Variants in ZFYVE9 observed in about 807,000 individuals in gnomAD.
ZFYVE9 encodes zinc finger FYVE domain-containing protein 9.
In ZFYVE9, 43 loss-of-function variants were observed where a neutral mutation model predicts 126.7. The observed-to-expected ratio is 0.34, with a 90% CI of 0.27 to 0.44. The LOEUF (loss-of-function observed/expected upper bound fraction) is 0.44. Ranked by LOEUF, ZFYVE9 falls within the 20% of genes least tolerant of loss-of-function variation. The pLI, the probability that ZFYVE9 is intolerant of heterozygous loss-of-function variation, is 1.00. For synonymous variants in ZFYVE9, 521 were observed against 597.4 expected (o/e 0.87, Z 1.87); for missense variants, 1,476 against 1,697.0 (o/e 0.87, Z 2.29).
intron 7 of ZFYVE9, among the ~76,000 whole-genome samples, chr1:52,270,779 C>A: frequency 6.7e-6 from 1 of 150,056 alleles, no homozygotes; most frequent in Non-Finnish European, 1.5e-5. Flanking sequence ...ATGATACTCT[C>A]AATTTGTATT....
chr1:52,319,148 T>G (rs565263197), intron 13 of ZFYVE9, among the ~76,000 whole-genome samples: 1 of 152,284 alleles, frequency 6.6e-6, no homozygotes, highest in South Asian at 2.1e-4. Flanking sequence ...ATAAATTTCT[T>G]AAATGATCTG....
chr1:52,225,759 T>A (rs1451627000), intron 2 of ZFYVE9, among the ~76,000 whole-genome samples: 1 of 152,058 alleles, frequency 6.6e-6, no homozygotes. Context: ...CTGGGACAGG[T>A]CTCAGTTTAT....
At chr1:52,229,551 G>A (rs1645198889) in intron 2 of ZFYVE9, among the ~76,000 whole-genome samples, 1 of 152,174 alleles carries the variant, frequency 6.6e-6, no homozygotes, top group Admixed American at 6.5e-5. Context: ...TATCGTAACT[G>A]GAATTCAGTA....
chr1:52,286,345 C>T (rs1169212089), intron 10 of ZFYVE9, among the ~76,000 whole-genome samples: 2 of 152,190 alleles, frequency 1.3e-5, no homozygotes, highest in Non-Finnish European at 2.9e-5. Context: ...TTTTTTATAA[C>T]TTCCTGTGAA....
In ZFYVE9 at chr1:52,204,577, AT is replaced by A. The variant is rs542635613; in HGVS notation, c.-142-11790del. Among the ~76,000 whole-genome samples the A allele has an allele frequency of 5.7e-4, 86 of 152,120 alleles. 1 individual carries two copies. In the South Asian group the frequency reaches 0.016, roughly 29 times the overall value. The stretch of plus-strand genomic sequence containing the variant: ...CCCCGTCTCTGCTAAAAATACAAAA[AT>A]TAGCTGGGCATGGTTGCGTGTGCCT... On this transcript the variant is annotated intron_variant, in intron 1 of 18. Transcript: ENST00000287727.
rs757631208 is a variant in ZFYVE9, at chr1:52,268,517, A to G, written c.2510A>G (p.Asn837Ser). 4.2e-5 allele frequency: 68 copies of G among 1,614,064 alleles called. No homozygotes were observed. Among genetic ancestry groups the G allele is most frequent in the Admixed American group, 4.0e-4 (24 of 60,000 alleles). The change falls in exon 7 of 19, where the codon AAT becomes AGT. Residue 837 changes from asparagine to serine, a missense_variant. By Grantham distance (46) the Asn-to-Ser change is conservative. This residue lies in a region of ZFYVE9 where 669 missense variants were observed against 902.4 expected (regional missense o/e 0.74). Coordinates refer to ENST00000287727, the MANE Select transcript of ZFYVE9 (RefSeq NM_004799.4). ...TGGTTTGCTGATGGGATCTTGCCCAATGGAGAAGTTGCTGATGCAGCCAAA... is the reference window on the plus strand; with the variant it reads ...TGGTTTGCTGATGGGATCTTGCCCAGTGGAGAAGTTGCTGATGCAGCCAAA... Reference protein sequence around the residue: ...RVWFADGILPNGEVADAAKLT... With the variant: ...RVWFADGILPSGEVADAAKLT...
chr1:52,334,611 T>A, intron 14 of ZFYVE9, 77 bp from the exon 15 acceptor site: 1 of 1,468,912 alleles, frequency 6.8e-7, no homozygotes, highest in Non-Finnish European at 9.4e-7. Flanking sequence ...ATTCTCAACT[T>A]CTGAATATTT....
chr1:52,307,901 G>A (rs977262947), intron 13 of ZFYVE9, among the ~76,000 whole-genome samples: 1 of 151,660 alleles, frequency 6.6e-6, no homozygotes, highest in Non-Finnish European at 1.5e-5. Flanking sequence ...ACAGGTGTCC[G>A]CTACCACGCC....
At chr1:52,220,529 G>A (rs1037149867) in intron 2 of ZFYVE9, among the ~76,000 whole-genome samples, 7 of 152,174 alleles carry the variant, frequency 4.6e-5, no homozygotes, top group African/African-American at 1.2e-4. Flanking sequence ...GTTTCTTCCC[G>A]TGGGAGGCTG....
chr1:52,174,959 A>G (rs1004669078), intron 1 of ZFYVE9, among the ~76,000 whole-genome samples: 13 of 152,174 alleles, frequency 8.5e-5, no homozygotes, highest in East Asian at 3.9e-4. Flanking sequence ...TCTTTATCCA[A>G]TTTGCCAGTC....
intron 2 of ZFYVE9, among the ~76,000 whole-genome samples, chr1:52,221,624 C>T (rs1645125279): frequency 6.6e-6 from 1 of 152,158 alleles, no homozygotes; most frequent in Non-Finnish European, 1.5e-5. Flanking sequence ...ATGGATTGGA[C>T]ACATTCGGGC....
At chr1:52,184,769 A>G (rs1431355535) in intron 1 of ZFYVE9, among the ~76,000 whole-genome samples, 1 of 152,146 alleles carries the variant, frequency 6.6e-6, no homozygotes, top group East Asian at 1.9e-4. Context: ...GGTGACCTAT[A>G]ATCCCAGATG....
At chr1:52,185,167 A>C (rs1203996851) in intron 1 of ZFYVE9, among the ~76,000 whole-genome samples, 2 of 152,154 alleles carry the variant, frequency 1.3e-5, no homozygotes, top group African/African-American at 4.8e-5. Context: ...GGTGTTCAAC[A>C]ATTTAATACC....
At chr1:52,293,708 T>C (rs762945385) in intron 11 of ZFYVE9, 31 bp downstream of exon 11, 34 of 1,581,128 alleles carry the variant, frequency 2.2e-5, no homozygotes, top group Non-Finnish European at 4.3e-6. Context: ...TTTCAAGGCA[T>C]GATGACTAAA....
At position 52,233,198 on chromosome 1, in the gene ZFYVE9, T is replaced by A. The variant is rs1389005125; in HGVS notation, c.-9T>A. On this transcript the variant is annotated 5_prime_UTR_variant, in exon 3 of 19. Transcript: ENST00000287727. ...TTAAACAAGTCTCTTAAGTGGTGTTTCCTCACCGATGGAGAATTACTTCCA... is the reference window on the plus strand; with the variant it reads ...TTAAACAAGTCTCTTAAGTGGTGTTACCTCACCGATGGAGAATTACTTCCA... 13 of 1,569,776 alleles carry A rather than the reference T, an allele frequency of 8.3e-6. No individual in the cohort carries two copies. The highest frequency in any genetic ancestry group is 1.1e-5 in the Non-Finnish European group (13 of 1,155,138).
Position 52,238,507 on chromosome 1 carries a change from C to G in ZFYVE9, c.1090C>G (p.Pro364Ala), listed in dbSNP as rs542994535. The change falls in exon 4 of 19, where the codon CCT becomes GCT. Residue 364 changes from proline to alanine, a missense_variant. Transcript: ENST00000287727. Reference protein sequence around the residue: ...DCERCSDCLVPNEVRADENEG... With the variant: ...DCERCSDCLVANEVRADENEG... ...TGAACGGTGTTCAGATTGCCTTGTG[C>G]CTAATGAAGTTAGGGCTGATGAAAA... is the stretch of plus-strand genomic sequence containing the variant. 8 of 1,613,996 alleles carry G rather than the reference C, an allele frequency of 5.0e-6. No individual in the cohort carries two copies. The African/African-American group carries it at 1.1e-4, about 22-fold the overall frequency.
At position 52,227,875 on chromosome 1, in the gene ZFYVE9, T is replaced by A. The variant is rs144743719; in HGVS notation, c.-36-5296T>A. Among the ~76,000 whole-genome samples the A allele has an allele frequency of 6.6e-4, 101 of 152,278 alleles. 1 individual carries two copies. The East Asian group carries it at 0.012, about 19-fold the overall frequency. On this transcript the variant is annotated intron_variant, in intron 2 of 18. Transcript: ENST00000287727. ...GTTTAGCCCCTCTGGTGCATAAATT[T>A]CTATGTTTGCAGCCAGTAATTCTTA...
Position 52,295,892 on chromosome 1 carries a change from T to A in ZFYVE9, c.3251-3T>A. The A allele has an allele frequency of 6.2e-7, 1 of 1,611,426 alleles. No homozygotes were observed. The highest frequency in any genetic ancestry group is 8.5e-7 in the Non-Finnish European group (1 of 1,178,986). On this transcript the variant is annotated splice_polypyrimidine_tract_variant and splice_region_variant and intron_variant, in intron 11 of 18. Transcript: ENST00000287727. ...TAAGTTTGATCATTTCTCATTTCCA[T>A]AGTTTATCCATGCCCACTATTCAGT...
Position 52,238,564 on chromosome 1 carries a change from A to T in ZFYVE9, c.1147A>T (p.Thr383Ser). Residue 383 changes from threonine (T) to serine (S), a missense_variant, in exon 4 of 19, where the codon ACT becomes TCT. Coordinates refer to ENST00000287727, the MANE Select transcript of ZFYVE9 (RefSeq NM_004799.4). The part of the protein sequence containing the change: ...EGYEHEETLG[T>S]TEFLNMTEHF... The stretch of plus-strand genomic sequence containing the variant: ...TTATGAACATGAAGAAACTCTTGGC[A>T]CTACAGAATTCCTTAATATGACAGA... The T allele has an allele frequency of 6.2e-7, 1 of 1,614,114 alleles. No individual in the cohort carries two copies. Among genetic ancestry groups the T allele is most frequent in the Admixed American group, 1.7e-5 (1 of 60,008 alleles).
Sources: allele counts gnomAD v4.1 joint callset (sites outside exome capture counted in the v4.1 genomes callset), GRCh38; gene constraint gnomAD v4.1.1; regional missense constraint gnomAD v4.1.1; transcripts MANE v1.5; gene names NCBI Gene and HGNC (gene_info 2026-07-23, HGNC 2026-07-21).